The following ASH1L variants were observed in gnomAD, a reference collection of about 807,000 sequenced individuals.
The protein encoded by ASH1L is histone-lysine N-methyltransferase ASH1L.
ASH1L carries 23 observed loss-of-function variants against 269.0 expected under a neutral mutation model. The observed-to-expected ratio is 0.09, with a 90% confidence interval of 0.06 to 0.12. The LOEUF (loss-of-function observed/expected upper bound fraction) is 0.12, where lower values mean the gene tolerates loss of function less well. ASH1L is among the 10% of genes least tolerant of loss of function. The probability of loss-of-function intolerance (pLI) is 1.00; values close to 1 mark genes in which losing one functional copy is unlikely to be tolerated. For missense variants in ASH1L, 2,912 were observed against 3,567.8 expected, an observed-to-expected ratio of 0.82 and a Z score of 4.68; for synonymous variants, 1,187 against 1,253.5, an observed-to-expected ratio of 0.95 and a Z score of 1.12.
At chr1:155,540,768 TAAC>T (rs145170771) in intron 1 of ASH1L, among the ~76,000 whole-genome samples, 1,521 of 152,050 alleles carry the variant, frequency 0.01, 27 homozygotes, top group African/African-American at 0.033. Flanking sequence ...GACCCTGTCT[TAAC>T]AACAACAACA....
intron 7 of ASH1L, among the ~76,000 whole-genome samples, chr1:155,388,854 T>C (rs1015864249): frequency 6.7e-6 from 1 of 149,638 alleles, no homozygotes; most frequent in African/African-American, 2.5e-5. Flanking sequence ...TGAGTAGGCA[T>C]GTACCACCGC....
intron 18 of ASH1L, 28 bp from the exon 19 acceptor site, chr1:155,349,487 T>C (rs1553243333): frequency 6.2e-7 from 1 of 1,613,996 alleles, no homozygotes; most frequent in Admixed American, 1.7e-5. Context: ...GGTGTCAATC[T>C]GGCACACTTA....
At chr1:155,419,710 T>C (rs986464481) in intron 5 of ASH1L, among the ~76,000 whole-genome samples, 2 of 152,212 alleles carry the variant, frequency 1.3e-5, no homozygotes, top group Admixed American at 1.3e-4. Flanking sequence ...TTAAATTGCA[T>C]AAAGTTTCCC....
intron 1 of ASH1L, among the ~76,000 whole-genome samples, chr1:155,544,257 G>A (rs1670640351): frequency 6.6e-6 from 1 of 150,872 alleles, no homozygotes. Context: ...GAATGTTCAT[G>A]ACTATTTCTA....
intron 3 of ASH1L, among the ~76,000 whole-genome samples, chr1:155,469,989 A>G (rs1664977119): frequency 6.6e-6 from 1 of 152,164 alleles, no homozygotes; most frequent in South Asian, 2.1e-4. Context: ...ATTAACACTT[A>G]ACTAAGCACA....
At chr1:155,477,615 A>G (rs1215828033) in intron 3 of ASH1L, among the ~76,000 whole-genome samples, 1 of 152,160 alleles carries the variant, frequency 6.6e-6, no homozygotes, top group Non-Finnish European at 1.5e-5. Context: ...TGTCTACATA[A>G]AAAAGATGAA....
intron 6 of ASH1L, among the ~76,000 whole-genome samples, chr1:155,410,886 G>A (rs765009406): frequency 5.3e-5 from 8 of 151,986 alleles, no homozygotes; most frequent in South Asian, 4.1e-4. Flanking sequence ...GATTACAGGC[G>A]TGAGCAATCG....
chr1:155,362,310 A>G (rs973402364), intron 12 of ASH1L, among the ~76,000 whole-genome samples: 64 of 152,098 alleles, frequency 4.2e-4, no homozygotes, highest in African/African-American at 1.2e-3. Flanking sequence ...CTGAGATTAC[A>G]GGCATGAGCC....
In ASH1L at chr1:155,481,362, T is replaced by G. The variant is rs1570942843; in HGVS notation, c.1508A>C (p.Gln503Pro). The G allele has an allele frequency of 3.7e-6, 6 of 1,614,202 alleles. No homozygotes were observed. In the East Asian group the frequency reaches 6.7e-5, roughly 18 times the overall value. Residue 503 changes from glutamine (Q) to proline (P), a missense_variant, in exon 3 of 28, where the codon CAA (glutamine) becomes CCA (proline). Physicochemically the swap from Gln to Pro is moderately conservative, Grantham distance 76. Transcript: ENST00000392403. ...CTTTTCACTGGATGAGAAACTGTCT[T>G]GCTGAATGCATGTTCCTTCATTAAA... Reference protein sequence around the residue: ...EMFNEGTCIQQDSFSSSEKGS... With the variant: ...EMFNEGTCIQPDSFSSSEKGS...
chr1:155,561,840 T>C (rs1338372776), intron 1 of ASH1L, among the ~76,000 whole-genome samples: 15 of 149,856 alleles, frequency 1.0e-4, no homozygotes, highest in South Asian at 4.3e-4. Flanking sequence ...ACACACAAAC[T>C]GGACTATGGG....
intron 6 of ASH1L, among the ~76,000 whole-genome samples, chr1:155,399,811 G>A (rs1324100720): frequency 1.3e-5 from 2 of 152,182 alleles, no homozygotes; most frequent in South Asian, 2.1e-4. Flanking sequence ...AGGTGAAGTA[G>A]GGAAGGTAGT....
At position 155,395,451 on chromosome 1, in the gene ASH1L, G is replaced by T; in HGVS notation, c.6103+8C>A. The T allele has an allele frequency of 6.3e-7, 1 of 1,597,190 alleles. No individual in the cohort carries two copies. The highest frequency in any genetic ancestry group is 8.5e-7 in the Non-Finnish European group (1 of 1,170,630). ...CTCAGCAATACATTGTGTGGACTCG[G>T]TACTTACCAACATGAATGGGCGCTG... On this transcript the variant is annotated splice_region_variant and intron_variant, in intron 7 of 27. Transcript: ENST00000392403.
intron 12 of ASH1L, among the ~76,000 whole-genome samples, chr1:155,365,375 T>G (rs1053802764): frequency 1.2e-5 from 1 of 81,712 alleles, no homozygotes. Flanking sequence ...CCGGCTGATT[T>G]TTTTTTTTTT....
chr1:155,481,064 G>A lies in ASH1L; in HGVS notation c.1806C>T (p.Asn602=). 6.2e-7 allele frequency: 1 copy of A among 1,614,020 alleles called. No individual in the cohort carries two copies. Among genetic ancestry groups the A allele is most frequent in the South Asian group, 1.1e-5 (1 of 91,070 alleles). Residue 602 remains asparagine, a synonymous_variant, in exon 3 of 28, where the codon AAC becomes AAT. Coordinates refer to ENST00000392403, the MANE Select transcript of ASH1L (RefSeq NM_018489.3). The part of the protein sequence containing the change: ...IEEISESVGK[N]QFTSESTHLN... ...AGTGGGTACTTTCAGAAGTAAACTG[G>A]TTCTTTCCAACAGATTCAGAAATTT...
intron 4 of ASH1L, 68 bp downstream of exon 4, chr1:155,459,729 T>C (rs1349742419): frequency 4.0e-6 from 5 of 1,254,044 alleles, no homozygotes; most frequent in African/African-American, 1.5e-5. Flanking sequence ...TACAATATTG[T>C]AACTCCTTAT....
intron 4 of ASH1L, among the ~76,000 whole-genome samples, chr1:155,455,106 T>C (rs1429754693): frequency 6.6e-6 from 1 of 152,178 alleles, no homozygotes; most frequent in Admixed American, 6.5e-5. Flanking sequence ...AATCTTCAGT[T>C]ATGTCAAATA....
intron 4 of ASH1L, among the ~76,000 whole-genome samples, chr1:155,452,597 C>A (rs540708810): frequency 6.0e-5 from 9 of 149,370 alleles, no homozygotes; most frequent in South Asian, 2.1e-4. Context: ...TGCTCTGTTG[C>A]CCAGGCTGGA....
At chr1:155,504,120 A>C (rs1007662118) in intron 2 of ASH1L, among the ~76,000 whole-genome samples, 2 of 152,054 alleles carry the variant, frequency 1.3e-5, no homozygotes, top group African/African-American at 4.8e-5. Context: ...ACACCCTCTT[A>C]TTTTTCAACT....
chr1:155,523,402 A>C (rs1669020026), intron 1 of ASH1L, among the ~76,000 whole-genome samples: 1 of 152,172 alleles, frequency 6.6e-6, no homozygotes. Flanking sequence ...CTGAGGTGGG[A>C]GATCACTTGA....
Sources: gnomAD v4.1 joint callset for allele counts (sites outside exome capture counted in the v4.1 genomes callset) on GRCh38, gnomAD v4.1.1 for gene constraint, MANE v1.5 for transcripts, NCBI Gene and HGNC (gene_info 2026-07-23, HGNC 2026-07-21) for gene names.